The following MTUS2 variants were observed in gnomAD, a reference collection of about 807,000 sequenced individuals.
MTUS2 encodes microtubule-associated tumor suppressor candidate 2.
A neutral mutation model predicts 114.1 loss-of-function variants in MTUS2; 40 were observed. The ratio of observed to expected loss-of-function variants is 0.35; its 90% CI spans 0.27 to 0.46. MTUS2 has a LOEUF of 0.46. Among genes scored for constraint, MTUS2 ranks in the 20% least tolerant of loss-of-function variants. The pLI, the probability that MTUS2 is intolerant of heterozygous loss-of-function variation, is 1.00. For synonymous variants in MTUS2, 688 were observed against 672.0 expected, an observed-to-expected ratio of 1.02 and a Z score of -0.37; for missense variants, 1,679 against 1,705.4, an observed-to-expected ratio of 0.98 and a Z score of 0.27.
intron 2 of MTUS2, among the ~76,000 whole-genome samples, chr13:28,944,788 C>CA: frequency 6.6e-6 from 1 of 152,198 alleles, no homozygotes. Context: ...TTACTATAAA[C>CA]ACCATTCGTG....
intron 5 of MTUS2, among the ~76,000 whole-genome samples, chr13:29,129,855 TG>T (rs1891682815): frequency 6.6e-6 from 1 of 152,066 alleles, no homozygotes; most frequent in African/African-American, 2.4e-5. Context: ...AAAAGAATGG[TG>T]GGGGCAGGGT....
chr13:29,204,224 T>C (rs1265953424), intron 5 of MTUS2, among the ~76,000 whole-genome samples: 1 of 152,180 alleles, frequency 6.6e-6, no homozygotes, highest in Non-Finnish European at 1.5e-5. Context: ...TCCCAAAGTG[T>C]TAGGATTACA....
intron 1 of MTUS2, among the ~76,000 whole-genome samples, chr13:28,823,361 C>A (rs1171333461): frequency 6.6e-6 from 1 of 152,236 alleles, no homozygotes; most frequent in East Asian, 1.9e-4. Context: ...ATATCTACCA[C>A]ACACATGTTT....
At chr13:28,957,813 G>A (rs1168756120) in intron 2 of MTUS2, among the ~76,000 whole-genome samples, 1 of 152,198 alleles carries the variant, frequency 6.6e-6, no homozygotes, top group African/African-American at 2.4e-5. Context: ...TGGGAACCAC[G>A]TCTTTTCTCT....
chr13:29,257,090 G>GAAAGAC (rs1165143368), intron 5 of MTUS2, among the ~76,000 whole-genome samples: 1 of 152,152 alleles, frequency 6.6e-6, no homozygotes, highest in Non-Finnish European at 1.5e-5. Context: ...GCTTAGCTGG[G>GAAAGAC]ACCCTTCCTT....
chr13:28,879,715 G>T (rs1372794719), intron 2 of MTUS2, among the ~76,000 whole-genome samples: 2 of 152,196 alleles, frequency 1.3e-5, no homozygotes, highest in Non-Finnish European at 2.9e-5. Context: ...GCCCCTTGAT[G>T]ATCTAGCAGA....
At chr13:29,142,489 A>C (rs531273709) in intron 5 of MTUS2, among the ~76,000 whole-genome samples, 100 of 152,276 alleles carry the variant, frequency 6.6e-4, no homozygotes, top group African/African-American at 2.3e-3. Flanking sequence ...GGATCACCTG[A>C]GGTCAGGAGT....
At chr13:28,983,492 A>AT (rs1163560938) in intron 2 of MTUS2, among the ~76,000 whole-genome samples, 1 of 152,236 alleles carries the variant, frequency 6.6e-6, no homozygotes, top group Non-Finnish European at 1.5e-5. Context: ...ATAATTTTAT[A>AT]TTGATAGTAT....
chr13:28,828,858 C>G (rs1312103714), intron 1 of MTUS2, among the ~76,000 whole-genome samples: 1 of 152,114 alleles, frequency 6.6e-6, no homozygotes, highest in Non-Finnish European at 1.5e-5. Context: ...TGTCAGGCTC[C>G]AGTTTGGTTT....
intron 4 of MTUS2, among the ~76,000 whole-genome samples, chr13:29,089,820 A>G (rs894056498): frequency 6.6e-6 from 1 of 152,152 alleles, no homozygotes; most frequent in Non-Finnish European, 1.5e-5. Context: ...TAAAATGGAT[A>G]TGTCATCTTT....
At chr13:29,076,249 A>G (rs1235960824) in intron 4 of MTUS2, among the ~76,000 whole-genome samples, 2 of 152,142 alleles carry the variant, frequency 1.3e-5, no homozygotes, top group Non-Finnish European at 2.9e-5. Context: ...GCTTCCACTC[A>G]TTGCCTGGCT....
intron 2 of MTUS2, among the ~76,000 whole-genome samples, chr13:28,852,900 A>AATACATGCATACATAC (rs1876375099): frequency 6.7e-6 from 1 of 148,490 alleles, no homozygotes; most frequent in African/African-American, 2.5e-5. Context: ...CTCTGTCTTA[A>AATACATGCATACATAC]ATACATACAT....
intron 5 of MTUS2, among the ~76,000 whole-genome samples, chr13:29,189,959 T>A (rs1160198459): frequency 1.3e-5 from 2 of 152,150 alleles, no homozygotes; most frequent in Non-Finnish European, 2.9e-5. Flanking sequence ...CACAGTGAGA[T>A]TAGTGTCCTT....
intron 2 of MTUS2, among the ~76,000 whole-genome samples, chr13:28,948,709 T>C (rs1882659441): frequency 6.6e-6 from 1 of 152,182 alleles, no homozygotes; most frequent in South Asian, 2.1e-4. Context: ...TTATAATGTA[T>C]GGTAATGTTC....
intron 4 of MTUS2, among the ~76,000 whole-genome samples, chr13:29,045,068 G>T (rs191688281): frequency 1.3e-4 from 20 of 152,230 alleles, no homozygotes; most frequent in Non-Finnish European, 2.4e-4. Context: ...ATGACCAGCT[G>T]GAGAAAACTC....
chr13:28,919,209 C>T (rs193022892), intron 2 of MTUS2, among the ~76,000 whole-genome samples: 1 of 152,208 alleles, frequency 6.6e-6, no homozygotes, highest in East Asian at 1.9e-4. Flanking sequence ...ATGTCTTTTT[C>T]TTTCAGATTG....
intron 5 of MTUS2, among the ~76,000 whole-genome samples, chr13:29,270,357 GAC>G (rs1416392077): frequency 5.3e-5 from 8 of 152,170 alleles, no homozygotes; most frequent in Non-Finnish European, 1.0e-4. Flanking sequence ...GGAGGTCTCA[GAC>G]GCGGTGGACA....
At chr13:29,148,919 A>G (rs1892555933) in intron 5 of MTUS2, among the ~76,000 whole-genome samples, 1 of 151,944 alleles carries the variant, frequency 6.6e-6, no homozygotes, top group Non-Finnish European at 1.5e-5. Flanking sequence ...CATTTTCTTT[A>G]TCTAGTCTGT....
At chr13:29,491,868 ATGTGTGTGTGGTGGGTGTGT>A (rs1882138370) in intron 11 of MTUS2, among the ~76,000 whole-genome samples, 1 of 96,072 alleles carries the variant, frequency 1.0e-5, no homozygotes, top group Admixed American at 1.1e-4. Flanking sequence ...CATGTATGTG[ATGTGTGTGTGGTGGGTGTGT>A]ATGTGTGCGT....
Sources: gnomAD v4.1 joint callset for allele counts (sites outside exome capture counted in the v4.1 genomes callset) on GRCh38, gnomAD v4.1.1 for gene constraint, MANE v1.5 for transcripts, NCBI Gene and HGNC (gene_info 2026-07-23, HGNC 2026-07-21) for gene names.